The following ELF2 variants were observed in gnomAD, a reference collection of about 807,000 sequenced individuals.
The protein encoded by ELF2 is E74 like ETS transcription factor 2.
Under a neutral mutation model 54.8 loss-of-function variants are expected in ELF2, and 11 were observed. The ratio of observed to expected loss-of-function variants is 0.20; its 90% CI spans 0.13 to 0.33. The LOEUF (loss-of-function observed/expected upper bound fraction) is 0.33. ELF2 is among the 10% of genes least tolerant of loss of function. ELF2 has a pLI of 1.00. For synonymous variants in ELF2, 203 were observed against 245.1 expected (o/e 0.83, Z 1.61); for missense variants, 513 against 703.0 (o/e 0.73, Z 3.06).
chr4:139,146,078 G>A (rs1215547264), intron 1 of ELF2, among the ~76,000 whole-genome samples: 1 of 152,174 alleles, frequency 6.6e-6, no homozygotes, highest in Non-Finnish European at 1.5e-5. Context: ...AAAACAGGAA[G>A]TCAAACTATC....
intron 5 of ELF2, 37 bp downstream of exon 5, chr4:139,073,417 A>G (rs1729807353): frequency 6.9e-7 from 1 of 1,450,236 alleles, no homozygotes; most frequent in Non-Finnish European, 9.4e-7. Context: ...ATGAAGTAGT[A>G]TGACACGTTT....
In ELF2 at chr4:139,137,869, T is replaced by G; in HGVS notation, c.-166-2A>C. 1 of 1,301,992 alleles carries G rather than the reference T, an allele frequency of 7.7e-7. No individual in the cohort carries two copies. Among genetic ancestry groups the G allele is most frequent in the Non-Finnish European group, 9.8e-7 (1 of 1,025,228 alleles). 80.7% of individuals were successfully genotyped at this position (1,301,992 alleles called of 1,614,324 possible). ...TCTAAAGATGATTAACCAGAAAGCC[T>G]AAAAAGAGGAAGAATTTGAAAAGTT... is the stretch of plus-strand genomic sequence containing the variant. On this transcript the variant is annotated splice_acceptor_variant, in intron 2 of 9. Coordinates refer to ENST00000686138, the MANE Select transcript of ELF2 (RefSeq NM_001331036.3). LOFTEE classifies it low-confidence loss of function (5UTR_SPLICE).
chr4:139,125,779 CAAAAAAAAA>C (rs367767700), intron 3 of ELF2, among the ~76,000 whole-genome samples: 2 of 96,560 alleles, frequency 2.1e-5, no homozygotes, highest in Non-Finnish European at 2.2e-5. Flanking sequence ...AGTCTGGCAG[CAAAAAAAAA>C]AAAAAAAAAA....
intron 1 of ELF2, among the ~76,000 whole-genome samples, chr4:139,168,958 C>A (rs918731751): frequency 6.6e-6 from 1 of 151,980 alleles, no homozygotes; most frequent in Non-Finnish European, 1.5e-5. Flanking sequence ...ACAAATGGAG[C>A]CAGGGAAGGC....
intron 4 of ELF2, among the ~76,000 whole-genome samples, chr4:139,088,010 G>A (rs1053674548): frequency 2.0e-5 from 3 of 152,072 alleles, no homozygotes; most frequent in African/African-American, 7.2e-5. Flanking sequence ...TTTTAGGCTG[G>A]TCACAGTGGC....
intron 1 of ELF2, among the ~76,000 whole-genome samples, chr4:139,144,747 G>A (rs1326678331): frequency 6.6e-6 from 1 of 152,216 alleles, no homozygotes; most frequent in African/African-American, 2.4e-5. Context: ...GAACTCTTCT[G>A]TGAAGCAGAG....
intron 1 of ELF2, among the ~76,000 whole-genome samples, chr4:139,159,223 G>A (rs1313394375): frequency 6.6e-6 from 1 of 152,090 alleles, no homozygotes; most frequent in Non-Finnish European, 1.5e-5. Context: ...GGAAGGGAAG[G>A]GGCCTAAGAA....
At chr4:139,171,137 C>T (rs907882464) in intron 1 of ELF2, among the ~76,000 whole-genome samples, 1 of 152,126 alleles carries the variant, frequency 6.6e-6, no homozygotes, top group Admixed American at 6.5e-5. Flanking sequence ...CTTGTAATCC[C>T]AGCACTTTGG....
chr4:139,119,916 G>A (rs1736142821), intron 4 of ELF2, among the ~76,000 whole-genome samples: 1 of 152,120 alleles, frequency 6.6e-6, no homozygotes, highest in African/African-American at 2.4e-5. Context: ...TGGGATTACA[G>A]GCGTGCACCA....
rs1738321933 is a variant in ELF2, at chr4:139,137,683, C to A, written c.19G>T (p.Asp7Tyr). 1.9e-6 allele frequency: 3 copies of A among 1,614,086 alleles called. No homozygotes were observed. The highest frequency in any genetic ancestry group is 2.5e-6 in the Non-Finnish European group (3 of 1,180,012). Residue 7 changes from aspartate (D) to tyrosine (Y), a missense_variant, in exon 3 of 10, where the codon GAC becomes TAC. Physicochemically the swap from Asp to Tyr is radical, Grantham distance 160. Transcript: ENST00000686138. Reference sequence around the variant, plus strand: ...AGCTCCAAAATAGTACCTCCACTGTCAACCACTGCTGATGTCATTGTTATT... The same window carrying A: ...AGCTCCAAAATAGTACCTCCACTGTAAACCACTGCTGATGTCATTGTTATT... MTSAVVDSGGTILELSS... is the reference protein window; with the variant it reads MTSAVVYSGGTILELSS...
intron 7 of ELF2, 76 bp from the exon 8 acceptor site, chr4:139,062,133 C>T: frequency 7.3e-7 from 1 of 1,367,518 alleles, no homozygotes; most frequent in South Asian, 1.4e-5. Flanking sequence ...AATAAAGTGT[C>T]CTTCATTGTA....
At position 139,137,655 on chromosome 4, in the gene ELF2, G is replaced by C; in HGVS notation, c.47C>G (p.Ser16Cys). 1 of 1,613,986 alleles carries C rather than the reference G, an allele frequency of 6.2e-7. No homozygotes were observed. Among genetic ancestry groups the C allele is most frequent in the South Asian group, 1.1e-5 (1 of 91,078 alleles). The change falls in exon 3 of 10, where the codon TCC becomes TGC. Residue 16 changes from serine (S) to cysteine (C), a missense_variant. This residue lies in a region of ELF2 where 203 missense variants were observed against 245.9 expected (regional missense o/e 0.83). Coordinates refer to ENST00000686138, the MANE Select transcript of ELF2 (RefSeq NM_001331036.3). ...VDSGGTILELSSNGVENQEES... is the reference protein window; with the variant it reads ...VDSGGTILELCSNGVENQEES... ...CTCTTGATTTTCTACTCCATTGCTGGAAAGCTCCAAAATAGTACCTCCACT... is the reference window on the plus strand; with the variant it reads ...CTCTTGATTTTCTACTCCATTGCTGCAAAGCTCCAAAATAGTACCTCCACT...
chr4:139,138,098 T>C (rs775813447), intron 2 of ELF2, among the ~76,000 whole-genome samples: 1 of 152,156 alleles, frequency 6.6e-6, no homozygotes, highest in Non-Finnish European at 1.5e-5. Context: ...ACATAGGTAG[T>C]ATTATGATAT....
At chr4:139,106,997 C>T (rs529334704) in intron 4 of ELF2, among the ~76,000 whole-genome samples, 40 of 152,094 alleles carry the variant, frequency 2.6e-4, no homozygotes, top group African/African-American at 8.9e-4. Flanking sequence ...TCACCTGCTT[C>T]GGCCTCCCAA....
chr4:139,105,557 G>A (rs1265805667), intron 4 of ELF2, among the ~76,000 whole-genome samples: 1 of 152,170 alleles, frequency 6.6e-6, no homozygotes, highest in African/African-American at 2.4e-5. Flanking sequence ...TTTCTGTGCT[G>A]TCATTTCCAA....
rs1729819742 is a variant in ELF2, at chr4:139,073,484, G to T, written c.322C>A (p.Pro108Thr). The change falls in exon 5 of 10, where the codon CCT becomes ACT. Residue 108 changes from proline to threonine, a missense_variant. By Grantham distance (38) the Pro-to-Thr change is conservative. This residue lies in a region of ELF2 where 203 missense variants were observed against 245.9 expected (regional missense o/e 0.83). Transcript: ENST00000686138. ...CTTCTTGAATCCCTCAAGCAGGTAG[G>T]AGATTCCATATGAAGCAGGGCTTCA... The part of the protein sequence containing the change: ...AAEALLHMES[P>T]TCLRDSRSPV... 6.2e-7 allele frequency: 1 copy of T among 1,608,548 alleles called. No homozygotes were observed.
intron 4 of ELF2, chr4:139,114,962 T>C (rs2148817138): frequency 6.2e-7 from 1 of 1,613,606 alleles, no homozygotes; most frequent in South Asian, 1.1e-5. Context: ...AGCTTCTGCA[T>C]GCCCCGGATC....
intron 4 of ELF2, chr4:139,116,520 G>A (rs947236838): frequency 6.7e-5 from 17 of 251,944 alleles, no homozygotes; most frequent in Middle Eastern, 1.9e-3. Flanking sequence ...AAATATTATC[G>A]TATTACTTCT....
At chr4:139,084,042 GCA>G (rs780714440) in intron 4 of ELF2, 1 of 1,598,514 alleles carries the variant, frequency 6.3e-7, no homozygotes, top group South Asian at 1.1e-5. Flanking sequence ...TGTACCCCCA[GCA>G]CAGACTGCTA....
Sources: allele counts gnomAD v4.1 joint callset (sites outside exome capture counted in the v4.1 genomes callset), GRCh38; gene constraint gnomAD v4.1.1; regional missense constraint gnomAD v4.1.1; transcripts MANE v1.5; gene names NCBI Gene and HGNC (gene_info 2026-07-23, HGNC 2026-07-21).